Variants in RAI14 observed in about 807,000 individuals in gnomAD.
RAI14 encodes retinoic acid induced 14.
RAI14 carries 45 observed loss-of-function variants against 115.4 expected under a neutral mutation model. The observed-to-expected ratio is 0.39, with a 90% confidence interval of 0.31 to 0.50. RAI14 has a LOEUF of 0.50. Ranked by LOEUF, RAI14 falls within the 20% of genes least tolerant of loss-of-function variation. The pLI, the probability that RAI14 is intolerant of heterozygous loss-of-function variation, is 0.85. For synonymous variants in RAI14, 371 were observed against 415.4 expected (o/e 0.89, Z 1.30); for missense variants, 939 against 1,131.2 (o/e 0.83, Z 2.44).
intron 15 of RAI14, among the ~76,000 whole-genome samples, chr5:34,825,744 C>G (rs1293600096): frequency 1.3e-5 from 2 of 151,936 alleles, no homozygotes; most frequent in Non-Finnish European, 2.9e-5. Context: ...CTCTAGTCCC[C>G]TGTCTCGGAG....
chr5:34,747,068 C>T (rs1215381614), intron 2 of RAI14, among the ~76,000 whole-genome samples: 4 of 152,206 alleles, frequency 2.6e-5, no homozygotes, highest in African/African-American at 7.2e-5. Flanking sequence ...TCCAATTGAA[C>T]CTCTTTTTCT....
At chr5:34,697,254 T>A (rs1054380741) in intron 2 of RAI14, among the ~76,000 whole-genome samples, 2 of 151,866 alleles carry the variant, frequency 1.3e-5, no homozygotes, top group African/African-American at 4.8e-5. Flanking sequence ...CTGACCAACA[T>A]GGAGAAACCC....
At chr5:34,771,614 C>G (rs1750166353) in intron 3 of RAI14, among the ~76,000 whole-genome samples, 1 of 152,126 alleles carries the variant, frequency 6.6e-6, no homozygotes, top group African/African-American at 2.4e-5. Flanking sequence ...CCTCCTTTGG[C>G]TTAAGAGCCT....
intron 3 of RAI14, among the ~76,000 whole-genome samples, chr5:34,779,775 G>A (rs967578817): frequency 2.0e-5 from 3 of 152,142 alleles, no homozygotes; most frequent in East Asian, 1.9e-4. Flanking sequence ...AATCAATATC[G>A]TGAAAATGGC....
chr5:34,712,734 T>C (rs1741540554), intron 2 of RAI14, among the ~76,000 whole-genome samples: 1 of 152,140 alleles, frequency 6.6e-6, no homozygotes, highest in African/African-American at 2.4e-5. Flanking sequence ...CAAGAAAAGT[T>C]TGTGACAAAC....
intron 3 of RAI14, among the ~76,000 whole-genome samples, chr5:34,787,537 G>A (rs1031447118): frequency 3.9e-5 from 6 of 152,160 alleles, no homozygotes; most frequent in Admixed American, 1.3e-4. Context: ...TCCAGAATAG[G>A]CAAATCCATA....
chr5:34,807,121 T>C (rs1173530424), intron 5 of RAI14, among the ~76,000 whole-genome samples: 2 of 152,166 alleles, frequency 1.3e-5, no homozygotes, highest in Non-Finnish European at 2.9e-5. Context: ...GCGTTCATTC[T>C]TCTAGATGAT....
intron 1 of RAI14, among the ~76,000 whole-genome samples, chr5:34,683,130 G>T (rs888496582): frequency 6.6e-6 from 1 of 152,186 alleles, no homozygotes; most frequent in Admixed American, 6.5e-5. Context: ...TGGCTTCCAG[G>T]TGTTAGATCC....
At chr5:34,705,688 C>T (rs1740624838) in intron 2 of RAI14, among the ~76,000 whole-genome samples, 1 of 152,130 alleles carries the variant, frequency 6.6e-6, no homozygotes. Context: ...ACTCTTGTTG[C>T]CCAGGCTGGA....
intron 12 of RAI14, among the ~76,000 whole-genome samples, chr5:34,815,696 C>T (rs1180512998): frequency 6.6e-6 from 1 of 152,046 alleles, no homozygotes; most frequent in East Asian, 1.9e-4. Flanking sequence ...AACATTTCAT[C>T]CAGATAAAAG....
intron 2 of RAI14, among the ~76,000 whole-genome samples, chr5:34,693,673 T>C (rs1008878243): frequency 2.6e-5 from 4 of 152,192 alleles, no homozygotes; most frequent in African/African-American, 9.6e-5. Flanking sequence ...AACAGAGAGA[T>C]GGTAACTCTC....
At chr5:34,829,436 C>A (rs1260840982) in intron 16 of RAI14, among the ~76,000 whole-genome samples, 1 of 152,154 alleles carries the variant, frequency 6.6e-6, no homozygotes, top group Non-Finnish European at 1.5e-5. Flanking sequence ...GATCCACCCA[C>A]CTCAGCCGCC....
At chr5:34,824,528 T>C (rs1219855341) in intron 15 of RAI14, 37 bp downstream of exon 15, 2 of 1,474,614 alleles carry the variant, frequency 1.4e-6, no homozygotes, top group Non-Finnish European at 1.8e-6. Flanking sequence ...TTTCTAGCAA[T>C]AAGTCTTAGT....
At chr5:34,734,273 G>A (rs1001824864) in intron 2 of RAI14, among the ~76,000 whole-genome samples, 12 of 152,186 alleles carry the variant, frequency 7.9e-5, no homozygotes, top group African/African-American at 1.7e-4. Context: ...CTGAAGGAAC[G>A]AGCACTGCTC....
At chr5:34,664,696 T>C (rs1428849564) in intron 1 of RAI14, among the ~76,000 whole-genome samples, 2 of 151,854 alleles carry the variant, frequency 1.3e-5, no homozygotes, top group Non-Finnish European at 2.9e-5. Context: ...TTAGTGGTGA[T>C]TTGTGAGATT....
chr5:34,778,905 G>T (rs1274701951), intron 3 of RAI14, among the ~76,000 whole-genome samples: 1 of 151,890 alleles, frequency 6.6e-6, no homozygotes. Flanking sequence ...CCAAAGCCTG[G>T]CAGAGACACA....
At chr5:34,683,753 A>T (rs1424436425) in intron 1 of RAI14, among the ~76,000 whole-genome samples, 1 of 149,316 alleles carries the variant, frequency 6.7e-6, no homozygotes, top group Non-Finnish European at 1.5e-5. Flanking sequence ...TTTGAGATGG[A>T]GTCTCACTCT....
intron 2 of RAI14, among the ~76,000 whole-genome samples, chr5:34,697,203 G>A (rs1270913371): frequency 6.6e-5 from 10 of 151,878 alleles, no homozygotes; most frequent in South Asian, 2.1e-4. Context: ...TTGGGAGGCC[G>A]AGGTGGGTGG....
At chr5:34,788,144 C>T (rs1370202294) in intron 3 of RAI14, among the ~76,000 whole-genome samples, 1 of 151,720 alleles carries the variant, frequency 6.6e-6, no homozygotes, top group Non-Finnish European at 1.5e-5. Flanking sequence ...GTCTTGAACT[C>T]CTGGGCTCAA....
Sources: allele counts gnomAD v4.1 joint callset (sites outside exome capture counted in the v4.1 genomes callset), GRCh38; gene constraint gnomAD v4.1.1; transcripts MANE v1.5; gene names NCBI Gene and HGNC (gene_info 2026-07-23, HGNC 2026-07-21).